Variants in TRIP4 observed in about 807,000 individuals in gnomAD.
TRIP4 encodes the protein thyroid hormone receptor interactor 4, also known as activating signal cointegrator 1.
Under a neutral mutation model 81.8 loss-of-function variants are expected in TRIP4, and 54 were observed. The ratio of observed to expected loss-of-function variants is 0.66; its 90% CI spans 0.53 to 0.83. The LOEUF (loss-of-function observed/expected upper bound fraction) is 0.83. Among genes scored for constraint, TRIP4 ranks in the 40% least tolerant of loss-of-function variants. TRIP4 has a pLI of 0.00. For missense variants in TRIP4, 662 were observed against 683.6 expected (o/e 0.97, Z 0.35); for synonymous variants, 270 against 242.8 (o/e 1.11, Z -1.04).
chr15:64,413,351 A>AT (rs1471018466), intron 7 of TRIP4, among the ~76,000 whole-genome samples: 2 of 151,460 alleles, frequency 1.3e-5, no homozygotes, highest in Non-Finnish European at 2.9e-5. Context: ...CAGCTAATTT[A>AT]TTTTTTGTAG....
At chr15:64,394,273 C>T (rs1020108362) in intron 2 of TRIP4, among the ~76,000 whole-genome samples, 158 bp downstream of exon 2, 3 of 151,770 alleles carry the variant, frequency 2.0e-5, no homozygotes, top group African/African-American at 7.3e-5. Flanking sequence ...CTACTCAATC[C>T]GTAATGAATA....
At chr15:64,390,428 T>A (rs1180087536) in intron 1 of TRIP4, among the ~76,000 whole-genome samples, 2 of 150,428 alleles carry the variant, frequency 1.3e-5, no homozygotes, top group Admixed American at 6.7e-5. Flanking sequence ...ACCACTGCAC[T>A]CCATCCTGGG....
At chr15:64,424,287 T>G (rs1042128561) in intron 10 of TRIP4, 132 bp downstream of exon 10, 3 of 1,283,398 alleles carry the variant, frequency 2.3e-6, no homozygotes, top group Non-Finnish European at 3.2e-6. Flanking sequence ...ATATGTTTGT[T>G]TGTTTAGTGG....
intron 7 of TRIP4, among the ~76,000 whole-genome samples, chr15:64,411,315 G>A (rs1265495119): frequency 1.3e-5 from 2 of 152,300 alleles, no homozygotes; most frequent in East Asian, 3.9e-4. Context: ...GCTTTTGGGT[G>A]ATAATGATGT....
chr15:64,414,100 A>G lies in TRIP4; in HGVS notation c.1059A>G (p.Ile353Met), dbSNP rs756696515. The change falls in exon 8 of 13, where the codon ATA (isoleucine) becomes ATG (methionine). Residue 353 changes from isoleucine (I) to methionine (M), a missense_variant. Ile to Met is a conservative substitution (Grantham distance 10). Transcript: ENST00000261884. ...AEYHSRLDET[I>M]QAIANGTLNQ... ...ATTATCACAGACTAGATGAGACAAT[A>G]CAGGCCATTGCCAATGGAACCTTGA... 3.1e-6 allele frequency: 5 copies of G among 1,614,054 alleles called. No individual in the cohort carries two copies. The Admixed American group carries it at 6.7e-5, about 22-fold the overall frequency.
At chr15:64,424,625 C>T (rs1472263472) in intron 10 of TRIP4, among the ~76,000 whole-genome samples, 1 of 152,134 alleles carries the variant, frequency 6.6e-6, no homozygotes, top group Non-Finnish European at 1.5e-5. Context: ...GACCTTTGGG[C>T]ATCCTGTTTT....
At chr15:64,450,633 C>T in intron 12 of TRIP4, 1 of 455,666 alleles carries the variant, frequency 2.2e-6, no homozygotes, top group South Asian at 1.5e-5. Context: ...AAGGAGTTCA[C>T]AGATTGTTGG....
intron 9 of TRIP4, among the ~76,000 whole-genome samples, chr15:64,421,143 G>A (rs934544885): frequency 2.0e-5 from 3 of 150,660 alleles, no homozygotes; most frequent in Non-Finnish European, 3.0e-5. Context: ...TTAGCCAGGC[G>A]TGGTGGTGTG....
chr15:64,387,863 G>C lies in TRIP4; in HGVS notation c.-1G>C, dbSNP rs760021178. 1.3e-6 allele frequency: 2 copies of C among 1,545,108 alleles called. No homozygotes were observed. The highest frequency in any genetic ancestry group is 1.4e-5 in the African/African-American group (1 of 73,024). ...AGCTCAGCTGGTTCCGGCTGGGGAAGATGGCGGTGGCTGGGGCGGTGTCCG... is the reference window on the plus strand; with the variant it reads ...AGCTCAGCTGGTTCCGGCTGGGGAACATGGCGGTGGCTGGGGCGGTGTCCG... On this transcript the variant is annotated 5_prime_UTR_variant, in exon 1 of 13. Transcript: ENST00000261884.
At chr15:64,441,804 G>A (rs1191180300) in intron 11 of TRIP4, among the ~76,000 whole-genome samples, 2 of 152,086 alleles carry the variant, frequency 1.3e-5, no homozygotes, top group Non-Finnish European at 2.9e-5. Context: ...AAAAAATAAG[G>A]CTGGAGAGGT....
chr15:64,418,523 G>A lies in TRIP4; in HGVS notation c.1171-18G>A. The A allele has an allele frequency of 6.3e-7, 1 of 1,599,738 alleles. No individual in the cohort carries two copies. The highest frequency in any genetic ancestry group is 8.5e-7 in the Non-Finnish European group (1 of 1,173,132). On this transcript the variant is annotated intron_variant, in intron 8 of 12. Transcript: ENST00000261884. ...CTTGCCTTATAAGATAGAACTGTAT[G>A]TTTGTTTTTCTGTGTAGTGGGTTGA...
intron 9 of TRIP4, among the ~76,000 whole-genome samples, chr15:64,420,214 C>G (rs1158685266): frequency 6.6e-6 from 1 of 151,714 alleles, no homozygotes; most frequent in Admixed American, 6.6e-5. Flanking sequence ...CTCCACCTCC[C>G]GGGTTCAAGC....
rs1891833492 is a variant in TRIP4, at chr15:64,414,104, GC to G, written c.1065del (p.Ile356LeufsTer6). 1.2e-6 allele frequency: 2 copies of G among 1,614,042 alleles called. No homozygotes were observed. The highest frequency in any genetic ancestry group is 8.5e-7 in the Non-Finnish European group (1 of 1,179,984). ...TCACAGACTAGATGAGACAATACAGGCCATTGCCAATGGAACCTTGAACCAG... is the reference window on the plus strand; with the variant it reads ...TCACAGACTAGATGAGACAATACAGGCATTGCCAATGGAACCTTGAACCAG... ...YHSRLDETIQ[A>X]IANGTLNQPL... On this transcript the variant is annotated frameshift_variant, in exon 8 of 13. Coordinates refer to ENST00000261884, the MANE Select transcript of TRIP4 (RefSeq NM_016213.5). LOFTEE classifies it high-confidence loss of function.
At chr15:64,435,378 C>G (rs973116635) in intron 11 of TRIP4, among the ~76,000 whole-genome samples, 6 of 150,816 alleles carry the variant, frequency 4.0e-5, no homozygotes, top group African/African-American at 9.8e-5. Flanking sequence ...CAAAAAAAAT[C>G]TGCCGGGCGT....
intron 10 of TRIP4, 86 bp downstream of exon 10, chr15:64,424,241 G>C (rs1892088005): frequency 1.9e-6 from 3 of 1,569,008 alleles, no homozygotes; most frequent in Non-Finnish European, 2.6e-6. Context: ...TCTTTCTTTG[G>C]CTTTTTCTTT....
chr15:64,398,348 G>A (rs1460196756), intron 4 of TRIP4, among the ~76,000 whole-genome samples: 6 of 149,940 alleles, frequency 4.0e-5, no homozygotes, highest in Non-Finnish European at 8.9e-5. Flanking sequence ...TGGGTTTTGG[G>A]AGGCTGAGGT....
chr15:64,388,756 T>C (rs186424489), intron 1 of TRIP4, among the ~76,000 whole-genome samples: 114 of 152,354 alleles, frequency 7.5e-4, no homozygotes, highest in African/African-American at 2.5e-3. Flanking sequence ...TTCTATATTC[T>C]GTTGTCGTTT....
intron 1 of TRIP4, 107 bp from the exon 2 acceptor site, chr15:64,393,839 C>T: frequency 8.8e-7 from 1 of 1,140,326 alleles, no homozygotes; most frequent in Middle Eastern, 2.4e-4. Context: ...AAAGTAAACA[C>T]TCTAATAGAT....
Position 64,413,225 on chromosome 15 carries a change from C to T in TRIP4, c.1044-860C>T, listed in dbSNP as rs183810476. ...TTTTTTTTTTCTTTTTGTGACAGGG[C>T]CTTATTGACTATTGCCCAAGCTGGA... On this transcript the variant is annotated intron_variant, in intron 7 of 12. Coordinates refer to ENST00000261884, the MANE Select transcript of TRIP4 (RefSeq NM_016213.5). Among the ~76,000 whole-genome samples, 134 of 151,970 alleles carry T rather than the reference C, an allele frequency of 8.8e-4. 1 individual carries two copies. The highest frequency in any genetic ancestry group is 2.2e-3 in the Admixed American group (34 of 15,238).
Sources: gnomAD v4.1 joint callset for allele counts (sites outside exome capture counted in the v4.1 genomes callset) on GRCh38, gnomAD v4.1.1 for gene constraint, MANE v1.5 for transcripts, NCBI Gene and HGNC (gene_info 2026-07-23, HGNC 2026-07-21) for gene names.